Variants in ZFHX3 observed in about 807,000 individuals in gnomAD.
The protein encoded by ZFHX3 is zinc finger homeobox 3, also known as zinc finger homeobox protein 3.
Under a neutral mutation model 279.1 loss-of-function variants are expected in ZFHX3, and 42 were observed. The ratio of observed to expected loss-of-function variants is 0.15; its 90% CI spans 0.12 to 0.19. The LOEUF (loss-of-function observed/expected upper bound fraction) is 0.19. Ranked by LOEUF, ZFHX3 falls within the 10% of genes least tolerant of loss-of-function variation. The pLI, the probability that ZFHX3 is intolerant of heterozygous loss-of-function variation, is 1.00. For synonymous variants in ZFHX3, 2,293 were observed against 1,957.8 expected, an observed-to-expected ratio of 1.17 and a Z score of -4.52; for missense variants, 4,981 against 4,754.0, an observed-to-expected ratio of 1.05 and a Z score of -1.40.
intron 5 of ZFHX3, among the ~76,000 whole-genome samples, chr16:73,149,360 T>C (rs1966888088): frequency 6.6e-6 from 1 of 151,768 alleles, no homozygotes; most frequent in Admixed American, 6.6e-5. Context: ...ATAAAAATTA[T>C]TGTTATTAAC....
At chr16:73,365,159 T>C (rs2016509128) in intron 3 of ZFHX3, among the ~76,000 whole-genome samples, 1 of 152,236 alleles carries the variant, frequency 6.6e-6, no homozygotes, top group African/African-American at 2.4e-5. Flanking sequence ...ACTGAGCCTC[T>C]GTGGAGAGAC....
chr16:73,300,610 G>A (rs558163348), intron 4 of ZFHX3, among the ~76,000 whole-genome samples: 1 of 152,112 alleles, frequency 6.6e-6, no homozygotes. Flanking sequence ...TTCAGGTGAT[G>A]CTCATGCCTC....
At chr16:73,728,525 T>C (rs1447879707) in intron 1 of ZFHX3, among the ~76,000 whole-genome samples, 1 of 152,118 alleles carries the variant, frequency 6.6e-6, no homozygotes, top group Non-Finnish European at 1.5e-5. Context: ...GTAGCTGACA[T>C]AAAGAGAAAA....
chr16:73,886,100 G>A (rs1164164153), intron 1 of ZFHX3, among the ~76,000 whole-genome samples: 2 of 151,960 alleles, frequency 1.3e-5, no homozygotes, highest in South Asian at 2.1e-4. Flanking sequence ...GTAACAAATC[G>A]TCAATGACTT....
chr16:72,803,537 T>G (rs1020395699), intron 7 of ZFHX3, among the ~76,000 whole-genome samples: 1 of 152,150 alleles, frequency 6.6e-6, no homozygotes, highest in Non-Finnish European at 1.5e-5. Context: ...ATATACATGC[T>G]TTCTCTCTGT....
chr16:73,095,646 T>C (rs1290368701), intron 7 of ZFHX3, among the ~76,000 whole-genome samples: 1 of 152,240 alleles, frequency 6.6e-6, no homozygotes, highest in East Asian at 1.9e-4. Flanking sequence ...TACTTTTTGG[T>C]GATTATTTTT....
At chr16:72,815,598 G>A (rs781727222) in intron 5 of ZFHX3, among the ~76,000 whole-genome samples, 7 of 152,148 alleles carry the variant, frequency 4.6e-5, no homozygotes, top group Admixed American at 3.9e-4. Context: ...AGTAAATGAA[G>A]TTGTATGAAT....
chr16:72,931,214 C>G (rs1019063986), intron 3 of ZFHX3, among the ~76,000 whole-genome samples: 1 of 152,144 alleles, frequency 6.6e-6, no homozygotes, highest in Non-Finnish European at 1.5e-5. Flanking sequence ...ACTTATGCAT[C>G]TAATCATCAG....
chr16:73,512,572 T>C (rs930250818), intron 2 of ZFHX3, among the ~76,000 whole-genome samples: 1 of 151,444 alleles, frequency 6.6e-6, no homozygotes, highest in Non-Finnish European at 1.5e-5. Flanking sequence ...AACAGAACAG[T>C]TGGAAAAGGA....
chr16:73,568,927 A>G (rs899615243), intron 2 of ZFHX3, among the ~76,000 whole-genome samples: 11 of 152,174 alleles, frequency 7.2e-5, no homozygotes, highest in African/African-American at 2.6e-4. Flanking sequence ...CGAGATAAGA[A>G]GATTACAGAA....
chr16:73,775,295 G>A (rs901755054), intron 1 of ZFHX3, among the ~76,000 whole-genome samples: 1 of 152,102 alleles, frequency 6.6e-6, no homozygotes, highest in Non-Finnish European at 1.5e-5. Context: ...GCTCTTAGAT[G>A]CTTTTATTCT....
At chr16:73,833,459 G>C (rs1961053266) in intron 1 of ZFHX3, among the ~76,000 whole-genome samples, 3 of 152,128 alleles carry the variant, frequency 2.0e-5, no homozygotes, top group Admixed American at 1.3e-4. Flanking sequence ...TAATCAACTG[G>C]GACATAAAAT....
At chr16:72,894,470 C>T (rs539392558) in intron 3 of ZFHX3, among the ~76,000 whole-genome samples, 2 of 152,186 alleles carry the variant, frequency 1.3e-5, no homozygotes, top group Non-Finnish European at 2.9e-5. Flanking sequence ...CCAAGTGGCA[C>T]TGGCCTCATC....
chr16:73,221,866 T>C (rs1229506509), intron 5 of ZFHX3, among the ~76,000 whole-genome samples: 4 of 152,196 alleles, frequency 2.6e-5, no homozygotes, highest in African/African-American at 4.8e-5. Context: ...ATATATTGTA[T>C]ATACTTTCCA....
At chr16:73,157,422 AT>A (rs1967116444) in intron 5 of ZFHX3, among the ~76,000 whole-genome samples, 2 of 142,240 alleles carry the variant, frequency 1.4e-5, no homozygotes, top group African/African-American at 2.6e-5. Context: ...CTTGGCTATG[AT>A]CAATGTGGAG....
intron 5 of ZFHX3, among the ~76,000 whole-genome samples, chr16:73,191,656 G>A (rs1481167829): frequency 6.6e-6 from 1 of 152,020 alleles, no homozygotes; most frequent in Non-Finnish European, 1.5e-5. Flanking sequence ...TACAGTGGCA[G>A]TAAGTCTGAT....
chr16:73,522,629 G>C (rs1448537108), intron 2 of ZFHX3, among the ~76,000 whole-genome samples: 1 of 152,162 alleles, frequency 6.6e-6, no homozygotes, highest in Non-Finnish European at 1.5e-5. Flanking sequence ...TAGGGCAAGA[G>C]GGCCTAGGGA....
At chr16:73,537,795 C>G (rs1029065618) in intron 2 of ZFHX3, among the ~76,000 whole-genome samples, 2 of 152,184 alleles carry the variant, frequency 1.3e-5, no homozygotes, top group Admixed American at 6.5e-5. Flanking sequence ...TTATACCTAA[C>G]CAGGAAGATA....
intron 4 of ZFHX3, among the ~76,000 whole-genome samples, chr16:73,316,368 C>G (rs545030959): frequency 9.9e-5 from 15 of 152,236 alleles, no homozygotes; most frequent in African/African-American, 3.4e-4. Flanking sequence ...CCCTCCAGAC[C>G]TGCCCCTTTA....
Sources: gnomAD v4.1 joint callset for allele counts (sites outside exome capture counted in the v4.1 genomes callset) on GRCh38, gnomAD v4.1.1 for gene constraint, MANE v1.5 for transcripts, NCBI Gene and HGNC (gene_info 2026-07-23, HGNC 2026-07-21) for gene names.